Variants in NPY2R observed in about 807,000 individuals in gnomAD.
NPY2R encodes the protein neuropeptide Y receptor type 2.
Under a neutral mutation model 22.3 loss-of-function variants are expected in NPY2R, and 17 were observed. The ratio of observed to expected loss-of-function variants is 0.76; its 90% CI spans 0.52 to 1.14. The LOEUF (loss-of-function observed/expected upper bound fraction) is 1.14, where lower values mean the gene tolerates loss of function less well. Among genes scored for constraint, NPY2R ranks in the 50% most tolerant of loss-of-function variants. The pLI is 0.00. For missense variants in NPY2R, 424 were observed against 467.9 expected, an observed-to-expected ratio of 0.91 and a Z score of 0.87; for synonymous variants, 209 against 183.4, an observed-to-expected ratio of 1.14 and a Z score of -1.13.
the NPY2R span, among the ~76,000 whole-genome samples, chr4:155,178,370 T>A: frequency 8.2e-6 from 1 of 122,640 alleles, no homozygotes; most frequent in Non-Finnish European, 1.9e-5. Context: ...TTGCTCAAGA[T>A]AATTTTAATT....
At chr4:155,192,484 T>C in the NPY2R span, among the ~76,000 whole-genome samples, 4 of 151,936 alleles carry the variant, frequency 2.6e-5, no homozygotes, top group Admixed American at 2.6e-4. Flanking sequence ...ACATTCTTGA[T>C]CTAGGTATTT....
the NPY2R span, among the ~76,000 whole-genome samples, chr4:155,189,917 A>G: frequency 6.6e-6 from 1 of 151,958 alleles, no homozygotes; most frequent in African/African-American, 2.4e-5. Flanking sequence ...TCTTTAAGTT[A>G]TATTGAGCTA....
At chr4:155,179,269 G>T in the NPY2R span, among the ~76,000 whole-genome samples, 2 of 151,494 alleles carry the variant, frequency 1.3e-5, no homozygotes, top group Non-Finnish European at 2.9e-5. Flanking sequence ...TCCTGGTTAT[G>T]GGCCATATTT....
chr4:155,188,998 T>C, the NPY2R span, among the ~76,000 whole-genome samples: 3 of 152,106 alleles, frequency 2.0e-5, no homozygotes, highest in East Asian at 5.8e-4. Context: ...CAGACCTCTT[T>C]AAATGTGGGA....
chr4:155,197,680 G>A, the NPY2R span, among the ~76,000 whole-genome samples: 1 of 152,020 alleles, frequency 6.6e-6, no homozygotes, highest in Non-Finnish European at 1.5e-5. Context: ...GTAATCATAT[G>A]TTAAGGAACT....
At chr4:155,188,491 C>T in the NPY2R span, among the ~76,000 whole-genome samples, 1 of 152,122 alleles carries the variant, frequency 6.6e-6, no homozygotes, top group Non-Finnish European at 1.5e-5. Context: ...AATCCCCCAT[C>T]TTGAGTATGG....
the NPY2R span, among the ~76,000 whole-genome samples, chr4:155,177,604 G>T: frequency 6.6e-6 from 1 of 151,998 alleles, no homozygotes; most frequent in African/African-American, 2.4e-5. Context: ...GCATAGCCCT[G>T]CTCCCATGGC....
At chr4:155,205,693 G>A (rs1320422997), upstream of NPY2R, among the ~76,000 whole-genome samples, 2 of 152,116 alleles carry the variant, frequency 1.3e-5, no homozygotes, top group Non-Finnish European at 2.9e-5. Context: ...ATGGTCTATG[G>A]GGTAGGGGAA....
upstream of NPY2R, chr4:155,207,469 A>G (rs1325590567): frequency 6.6e-6 from 1 of 152,254 alleles, no homozygotes; most frequent in East Asian, 1.9e-4. Context: ...ATGGTTAAGT[A>G]AAGACTTAGG....
chr4:155,178,281 C>T, the NPY2R span, among the ~76,000 whole-genome samples: 38 of 152,226 alleles, frequency 2.5e-4, no homozygotes, highest in African/African-American at 9.1e-4. Flanking sequence ...CTGGAAGAGG[C>T]AGTACCCAAA....
At chr4:155,174,881 T>C in the NPY2R span, among the ~76,000 whole-genome samples, 1 of 152,146 alleles carries the variant, frequency 6.6e-6, no homozygotes, top group Non-Finnish European at 1.5e-5. Context: ...AATTTGACCA[T>C]ACTCATTTTT....
chr4:155,187,255 T>C, the NPY2R span, among the ~76,000 whole-genome samples: 1 of 152,130 alleles, frequency 6.6e-6, no homozygotes, highest in Non-Finnish European at 1.5e-5. Context: ...CACAAAATGA[T>C]TCCTTAATTG....
chr4:155,216,706 G>T lies in NPY2R; in HGVS notation c.*1621G>T, dbSNP rs1729524113. The T allele has an allele frequency of 1.2e-5, 2 of 166,996 alleles. No individual in the cohort carries two copies. The allele number at this position is 166,996 out of a possible 1,614,324, so 10.3% of individuals were successfully genotyped here. On this transcript the variant is annotated 3_prime_UTR_variant, in exon 2 of 2. Transcript: ENST00000329476. ...TACTGAAAAAGAATGAAAACAATATGTTAGATTAGGTGTAAGACTTTAAGA... is the reference window on the plus strand; with the variant it reads ...TACTGAAAAAGAATGAAAACAATATTTTAGATTAGGTGTAAGACTTTAAGA...
chr4:155,215,259 C>A lies in NPY2R; in HGVS notation c.*174C>A. 1 of 716,034 alleles carries A rather than the reference C, an allele frequency of 1.4e-6. No homozygotes were observed. The highest frequency in any genetic ancestry group is 2.5e-6 in the Non-Finnish European group (1 of 400,664). 44.4% of individuals were successfully genotyped at this position (716,034 alleles called of 1,614,324 possible). A position where few individuals can be genotyped will look rare whatever the true frequency, so the allele number is the denominator to read the frequency against. ...GCTGGGCAGAGCCTGTGTGAAAATA[C>A]TGGAATTCAAAGATAAGGCAACAAA... On this transcript the variant is annotated 3_prime_UTR_variant, in exon 2 of 2. Transcript: ENST00000329476.
chr4:155,214,131 G>A lies in NPY2R; in HGVS notation c.192G>A (p.Gly64=). 1 of 1,613,814 alleles carries A rather than the reference G, an allele frequency of 6.2e-7. No individual in the cohort carries two copies. Among genetic ancestry groups the A allele is most frequent in the Non-Finnish European group, 8.5e-7 (1 of 1,179,732 alleles). The change falls in exon 2 of 2, where the codon GGG becomes GGA. Residue 64 remains glycine (G), a synonymous_variant. Coordinates refer to ENST00000329476, the MANE Select transcript of NPY2R (RefSeq NM_000910.4). ...ILAYCSIILL[G]VIGNSLVIHV... ...CCTACTGCTCCATCATCTTGCTTGG[G>A]GTAATTGGCAACTCCTTGGTGATCC...
At chr4:155,185,045 T>TATA in the NPY2R span, among the ~76,000 whole-genome samples, 27 of 54,406 alleles carry the variant, frequency 5.0e-4, no homozygotes, top group Admixed American at 1.1e-3. Context: ...TATATATATA[T>TATA]TTTTTTTTTC....
chr4:155,214,968 G>A lies in NPY2R; in HGVS notation c.1029G>A (p.Glu343=). ...RKAFLSAFRC[E]QRLDAIHSEV... ...CTTTCCTCTCGGCCTTCCGCTGTGA[G>A]CAGCGGTTGGATGCCATTCACTCTG... The change falls in exon 2 of 2, where the codon GAG becomes GAA. Residue 343 remains glutamate, a synonymous_variant. Coordinates refer to ENST00000329476, the MANE Select transcript of NPY2R (RefSeq NM_000910.4). 1 of 1,614,122 alleles carries A rather than the reference G, an allele frequency of 6.2e-7. No homozygotes were observed. The highest frequency in any genetic ancestry group is 1.1e-5 in the South Asian group (1 of 91,084).
At position 155,210,589 on chromosome 4, in the gene NPY2R, A is replaced by G. The variant is rs1431820992; in HGVS notation, c.-49+1520A>G. ...TAGTCTAGGGGATATGGTGTGGGCT[A>G]TCAAACATACACTCCAAGATATGAA... On this transcript the variant is annotated intron_variant, in intron 1 of 1. Coordinates refer to ENST00000329476, the MANE Select transcript of NPY2R (RefSeq NM_000910.4). Among the ~76,000 whole-genome samples the G allele has an allele frequency of 3.9e-5, 6 of 152,336 alleles. No individual in the cohort carries two copies. In the South Asian group the frequency reaches 1.2e-3, roughly 32 times the overall value.
At chr4:155,189,062 T>A in the NPY2R span, among the ~76,000 whole-genome samples, 1 of 152,076 alleles carries the variant, frequency 6.6e-6, no homozygotes, top group South Asian at 2.1e-4. Context: ...AATTCTAATA[T>A]TACGATATGC....
Sources: gnomAD v4.1 joint callset for allele counts (sites outside exome capture counted in the v4.1 genomes callset) on GRCh38, gnomAD v4.1.1 for gene constraint, MANE v1.5 for transcripts, NCBI Gene and HGNC (gene_info 2026-07-23, HGNC 2026-07-21) for gene names.